Variants in INPP5B observed in about 807,000 individuals in gnomAD.
The protein encoded by INPP5B is inositol polyphosphate-5-phosphatase B, also known as type II inositol 1,4,5-trisphosphate 5-phosphatase.
INPP5B carries 90 observed loss-of-function variants against 118.5 expected under a neutral mutation model. The ratio of observed to expected loss-of-function variants is 0.76; its 90% CI spans 0.64 to 0.90. The LOEUF is 0.90. INPP5B is among the 40% of genes least tolerant of loss of function. INPP5B has a pLI of 0.00. For missense variants in INPP5B, 984 were observed against 1,125.6 expected (o/e 0.87, Z 1.80); for synonymous variants, 385 against 418.9 (o/e 0.92, Z 0.99).
chr1:37,894,156 T>G (rs2148531952), intron 7 of INPP5B, among the ~76,000 whole-genome samples: 1 of 152,300 alleles, frequency 6.6e-6, no homozygotes, highest in South Asian at 2.1e-4. Context: ...CATTTAAAAA[T>G]GCAAAAAATC....
At chr1:37,934,892 T>TCA (rs1211040525) in intron 6 of INPP5B, among the ~76,000 whole-genome samples, 1 of 137,772 alleles carries the variant, frequency 7.3e-6, no homozygotes, top group Admixed American at 7.1e-5. Context: ...CAGGCGGTGT[T>TCA]CTTTTTTTTT....
At chr1:37,891,210 A>G in intron 8 of INPP5B, 148 bp downstream of exon 8, 1 of 533,518 alleles carries the variant, frequency 1.9e-6, no homozygotes, top group South Asian at 2.7e-5. Context: ...CTGGGCAGTA[A>G]GAGCGAAACT....
Position 37,937,541 on chromosome 1 carries a change from C to T in INPP5B, c.391+3147G>A, listed in dbSNP as rs558923474. ...CAGCACTTTGGGAGGCCAAAGTGGG[C>T]GGATCACCTGAGGTCAGAAGTTCGA... is the stretch of plus-strand genomic sequence containing the variant. On this transcript the variant is annotated intron_variant, in intron 6 of 23. Transcript: ENST00000373024. 1.3e-4 allele frequency among the ~76,000 whole-genome samples: 20 copies of T among 151,582 alleles called. No individual in the cohort carries two copies. In the South Asian group the frequency reaches 1.5e-3, roughly 11 times the overall value.
chr1:37,876,552 T>TTA (rs1194597284), intron 16 of INPP5B, among the ~76,000 whole-genome samples: 7,016 of 54,848 alleles, frequency 0.13, 402 homozygotes, highest in Middle Eastern at 0.21. Flanking sequence ...GCTGTCTCTT[T>TTA]AAAAAAAAAA....
chr1:37,876,107 GT>G (rs58127949), intron 16 of INPP5B, among the ~76,000 whole-genome samples: 469 of 122,002 alleles, frequency 3.8e-3, no homozygotes, highest in East Asian at 8.5e-3. Context: ...TCTCAAGTTT[GT>G]TTTTTTTTTT....
rs143379841 is a variant in INPP5B at position 37,946,142 on chromosome 1, TC to T, written c.57+109del. 952 of 1,025,848 alleles carry T rather than the reference TC, an allele frequency of 9.3e-4. 12 individuals carry two copies. In the East Asian group the frequency reaches 0.022, roughly 24 times the overall value. The allele number at this position is 1,025,848 out of a possible 1,614,324, so 63.5% of individuals were successfully genotyped here. The stretch of plus-strand genomic sequence containing the variant: ...TACTTAGTAAATACTGATTTCCTTC[TC>T]CCCTGATGGTTCAGAGGGGCAGGAG... On this transcript the variant is annotated intron_variant, in intron 2 of 23. Transcript: ENST00000373024.
chr1:37,943,076 C>T (rs565506384), intron 5 of INPP5B, among the ~76,000 whole-genome samples: 7 of 151,952 alleles, frequency 4.6e-5, no homozygotes, highest in South Asian at 4.2e-4. Context: ...TCTTGGCTCA[C>T]GGCAACCTCC....
rs757900151 is a variant in INPP5B, at chr1:37,931,952, C to T, written c.493G>A (p.Ala165Thr). ...EMPTPRGCNS[A>T]LVTWPGYATI... ...GCGTACCCTGGCCAGGTAACTAGGGCCGAGTTACAACCGCGCGGCGTTGGC... is the reference window on the plus strand; with the variant it reads ...GCGTACCCTGGCCAGGTAACTAGGGTCGAGTTACAACCGCGCGGCGTTGGC... The change falls in exon 7 of 24, where the codon GCC becomes ACC. Residue 165 changes from alanine to threonine, a missense_variant. Physicochemically the swap from Ala to Thr is moderately conservative, Grantham distance 58. Transcript: ENST00000373024. 5 of 1,614,102 alleles carry T rather than the reference C, an allele frequency of 3.1e-6. No individual in the cohort carries two copies. The highest frequency in any genetic ancestry group is 1.7e-6 in the Non-Finnish European group (2 of 1,180,026).
At chr1:37,870,258 C>T (rs1466321503) in intron 19 of INPP5B, among the ~76,000 whole-genome samples, 1 of 151,996 alleles carries the variant, frequency 6.6e-6, no homozygotes, top group Non-Finnish European at 1.5e-5. Context: ...TACAAATGCA[C>T]ACCCCCATAC....
At chr1:37,925,369 T>C in intron 7 of INPP5B, among the ~76,000 whole-genome samples, 1 of 152,132 alleles carries the variant, frequency 6.6e-6, no homozygotes, top group South Asian at 2.1e-4. Context: ...AGTTCATGTA[T>C]GGATCACCAA....
At position 37,946,350 on chromosome 1, in the gene INPP5B, T is replaced by G. The variant is rs750674131; in HGVS notation, c.-26-16A>C. 3.8e-6 allele frequency: 6 copies of G among 1,589,988 alleles called. No individual in the cohort carries two copies. In the African/African-American group the frequency reaches 5.4e-5, roughly 14 times the overall value. ...CGCACACACCCTGTGGGAGGGGAGA[T>G]AGGAGCCCCGCTTTGGTCAACAAGT... On this transcript the variant is annotated splice_polypyrimidine_tract_variant and intron_variant, in intron 1 of 23. Coordinates refer to ENST00000373024, the MANE Select transcript of INPP5B (RefSeq NM_005540.3).
intron 7 of INPP5B, among the ~76,000 whole-genome samples, chr1:37,900,485 C>T (rs1240469745): frequency 1.3e-5 from 2 of 151,406 alleles, no homozygotes; most frequent in African/African-American, 2.4e-5. Context: ...GAACTCCTGA[C>T]TTCATGATCC....
At chr1:37,945,606 T>C in intron 3 of INPP5B, 150 bp downstream of exon 3, 1 of 610,976 alleles carries the variant, frequency 1.6e-6, no homozygotes, top group Non-Finnish European at 2.9e-6. Context: ...GGGTTTAAAA[T>C]ATAGTGTTCA....
intron 16 of INPP5B, 30 bp from the exon 17 acceptor site, chr1:37,875,746 C>G (rs1642758962): frequency 1.3e-6 from 2 of 1,542,998 alleles, no homozygotes; most frequent in Non-Finnish European, 1.8e-6. Context: ...GACTGAGTAC[C>G]TTGGCTTCTG....
At chr1:37,875,948 G>T (rs1480143718) in intron 16 of INPP5B, among the ~76,000 whole-genome samples, 14 of 152,178 alleles carry the variant, frequency 9.2e-5, no homozygotes, top group Non-Finnish European at 1.9e-4. Flanking sequence ...AAAATACATG[G>T]AAGTGAAAGC....
intron 7 of INPP5B, among the ~76,000 whole-genome samples, chr1:37,913,890 T>C (rs891612170): frequency 3.3e-5 from 5 of 152,018 alleles, no homozygotes; most frequent in Admixed American, 1.3e-4. Flanking sequence ...GAACTGAAAA[T>C]AGCCTTAACT....
chr1:37,937,733 C>G (rs1266173705), intron 6 of INPP5B, among the ~76,000 whole-genome samples: 1 of 151,818 alleles, frequency 6.6e-6, no homozygotes, highest in African/African-American at 2.4e-5. Context: ...CACCACTGCA[C>G]TCCAGCCTGG....
At chr1:37,915,290 C>A (rs1220118829) in intron 7 of INPP5B, among the ~76,000 whole-genome samples, 1 of 152,206 alleles carries the variant, frequency 6.6e-6, no homozygotes, top group African/African-American at 2.4e-5. Flanking sequence ...TAACACATTA[C>A]CTGTATCAAA....
Position 37,946,260 on chromosome 1 carries a change from A to G in INPP5B, c.49T>C (p.Cys17Arg), listed in dbSNP as rs746075665. 2.5e-6 allele frequency: 4 copies of G among 1,611,080 alleles called. No individual in the cohort carries two copies. In the Admixed American group the frequency reaches 5.0e-5, roughly 20 times the overall value. Residue 17 changes from cysteine to arginine, a missense_variant, in exon 2 of 24, where the codon TGC becomes CGC. By Grantham distance (180) the Cys-to-Arg change is radical. Transcript: ENST00000373024. ...IQETLAEGEYCVIAVQGVLCE... is the reference protein window; with the variant it reads ...IQETLAEGEYRVIAVQGVLCE... ...TAGCACAGGAAGGATATGATGACGC[A>G]GTATTCCCCCTCAGCCAGCGTCTCC...
Sources: allele counts gnomAD v4.1 joint callset (sites outside exome capture counted in the v4.1 genomes callset), GRCh38; gene constraint gnomAD v4.1.1; transcripts MANE v1.5; gene names NCBI Gene and HGNC (gene_info 2026-07-23, HGNC 2026-07-21).